USP46: variants seen among roughly 807,000 people sequenced by gnomAD.
The protein encoded by USP46 is ubiquitin specific peptidase 46, also known as ubiquitin carboxyl-terminal hydrolase 46.
USP46 carries 12 observed loss-of-function variants against 44.4 expected under a neutral mutation model. That is an observed-to-expected ratio of 0.27 (90% CI 0.17 to 0.44). The LOEUF is 0.44. USP46 is among the 20% of genes least tolerant of loss of function. USP46 has a pLI of 1.00. For synonymous variants in USP46, 155 were observed against 161.5 expected (o/e 0.96, Z 0.31); for missense variants, 248 against 444.8 (o/e 0.56, Z 3.98).
chr4:52,640,544 T>C (rs1228437172), intron 1 of USP46, among the ~76,000 whole-genome samples: 1 of 152,134 alleles, frequency 6.6e-6, no homozygotes, highest in Non-Finnish European at 1.5e-5. Context: ...CTTATGGCTG[T>C]AATCCTAGCA....
At chr4:52,630,911 G>A (rs1717799159) in intron 2 of USP46, among the ~76,000 whole-genome samples, 153 bp downstream of exon 2, 1 of 152,110 alleles carries the variant, frequency 6.6e-6, no homozygotes, top group Non-Finnish European at 1.5e-5. Context: ...TTCAAAAATA[G>A]GTTAAGTTGC....
At chr4:52,619,260 A>G (rs1030461771) in intron 4 of USP46, among the ~76,000 whole-genome samples, 1 of 152,046 alleles carries the variant, frequency 6.6e-6, no homozygotes, top group Non-Finnish European at 1.5e-5. Context: ...TGACATTTGC[A>G]CTGCAATCAT....
intron 1 of USP46, among the ~76,000 whole-genome samples, chr4:52,632,960 G>GA (rs1308982211): frequency 9.5e-5 from 7 of 73,722 alleles, no homozygotes; most frequent in African/African-American, 4.6e-4. Flanking sequence ...AAGAAAGAAA[G>GA]AAAGAAAGAA....
chr4:52,610,285 C>T (rs937805254), intron 5 of USP46, among the ~76,000 whole-genome samples: 4 of 152,128 alleles, frequency 2.6e-5, no homozygotes, highest in African/African-American at 9.7e-5. Context: ...TCACTTAACA[C>T]TTTACCTGGC....
intron 2 of USP46, among the ~76,000 whole-genome samples, chr4:52,630,716 G>T (rs369553532): frequency 9.0e-4 from 119 of 132,720 alleles, no homozygotes; most frequent in African/African-American, 3.2e-3. Flanking sequence ...CAACCTGAGC[G>T]ACAGAGCAAG....
Position 52,626,007 on chromosome 4 carries a change from C to T in USP46, c.561+11G>A. On this transcript the variant is annotated intron_variant, in intron 4 of 8. Transcript: ENST00000441222. ...ACATGCGAGCTACATAAGAGCTCCCCTAGTACTTACAGTTTCACAGTTCAA... is the reference window on the plus strand; with the variant it reads ...ACATGCGAGCTACATAAGAGCTCCCTTAGTACTTACAGTTTCACAGTTCAA... 1.9e-6 allele frequency: 3 copies of T among 1,612,172 alleles called. No individual in the cohort carries two copies. The highest frequency in any genetic ancestry group is 8.5e-7 in the Non-Finnish European group (1 of 1,178,982).
In USP46 at chr4:52,592,836, T is replaced by TAA. The variant is rs1188448959; in HGVS notation, c.*4802_*4803dup. 7.4e-5 allele frequency: 25 copies of TAA among 335,842 alleles called. No individual in the cohort carries two copies. Among genetic ancestry groups the TAA allele is most frequent in the Middle Eastern group, 7.7e-4 (1 of 1,292 alleles). 20.8% of individuals were successfully genotyped at this position (335,842 alleles called of 1,614,324 possible). ...CCTGGGTGACAGTGAGACTCCATCT[T>TAA]AAAAAAAAAAAAGGAAAGAAAAGTG... On this transcript the variant is annotated 3_prime_UTR_variant, in exon 9 of 9. Coordinates refer to ENST00000441222, the MANE Select transcript of USP46 (RefSeq NM_022832.4).
intron 1 of USP46, among the ~76,000 whole-genome samples, chr4:52,640,438 A>C (rs1291652328): frequency 6.6e-6 from 1 of 152,192 alleles, no homozygotes; most frequent in Non-Finnish European, 1.5e-5. Flanking sequence ...GCCTAGAAGA[A>C]GAGGAGGTCA....
At position 52,592,733 on chromosome 4, in the gene USP46, G is replaced by A. The variant is rs980027277; in HGVS notation, c.*4907C>T. The stretch of plus-strand genomic sequence containing the variant: ...ACATGCCTGTAGTCCCAGCTACTTG[G>A]GAGGCTGAGGCAGAAGAATCGCTTG... On this transcript the variant is annotated 3_prime_UTR_variant, in exon 9 of 9. Coordinates refer to ENST00000441222, the MANE Select transcript of USP46 (RefSeq NM_022832.4). 4 of 395,980 alleles carry A rather than the reference G, an allele frequency of 1.0e-5. No individual in the cohort carries two copies. Among genetic ancestry groups the A allele is most frequent in the Non-Finnish European group, 1.8e-5 (4 of 225,016 alleles). 24.5% of individuals were successfully genotyped at this position (395,980 alleles called of 1,614,324 possible). A position where few individuals can be genotyped will look rare whatever the true frequency, so the allele number is the denominator to read the frequency against.
intron 6 of USP46, 49 bp downstream of exon 6, chr4:52,604,452 G>A (rs1228093586): frequency 2.7e-6 from 4 of 1,508,704 alleles, no homozygotes; most frequent in African/African-American, 2.8e-5. Context: ...CCCACAGTCG[G>A]GATCCTTCTC....
rs1300585415 is a variant in USP46 at position 52,593,708 on chromosome 4, A to T, written c.*3932T>A. On this transcript the variant is annotated 3_prime_UTR_variant, in exon 9 of 9. Coordinates refer to ENST00000441222, the MANE Select transcript of USP46 (RefSeq NM_022832.4). ...CAGAAACAGGCCCAGAAGTCAGGGC[A>T]CCAGGGACCAATCACAGTCCTACTC... 1 of 152,388 alleles carries T rather than the reference A, an allele frequency of 6.6e-6. No homozygotes were observed. 9.4% of individuals were successfully genotyped at this position (152,388 alleles called of 1,614,324 possible).
chr4:52,620,775 A>G (rs796756601), intron 4 of USP46, among the ~76,000 whole-genome samples: 28 of 152,376 alleles, frequency 1.8e-4, no homozygotes, highest in African/African-American at 5.8e-4. Context: ...TGATGTGCAC[A>G]TCCTAGAGAA....
intron 7 of USP46, 121 bp downstream of exon 7, chr4:52,601,736 T>G: frequency 1.0e-6 from 1 of 998,888 alleles, no homozygotes; most frequent in Admixed American, 3.3e-5. Flanking sequence ...TCAGTAAGAG[T>G]TTGGCAGAGA....
At chr4:52,637,541 A>G (rs1029246709) in intron 1 of USP46, among the ~76,000 whole-genome samples, 1 of 152,164 alleles carries the variant, frequency 6.6e-6, no homozygotes, top group Non-Finnish European at 1.5e-5. Flanking sequence ...CCTATGGGTC[A>G]TGCCGACATC....
chr4:52,628,583 A>C (rs1283173619), intron 2 of USP46, among the ~76,000 whole-genome samples: 2 of 152,258 alleles, frequency 1.3e-5, no homozygotes, highest in East Asian at 3.8e-4. Flanking sequence ...GAAAATAAAA[A>C]TATGAATCAA....
At chr4:52,615,361 A>G (rs917374138) in intron 4 of USP46, among the ~76,000 whole-genome samples, 1 of 152,228 alleles carries the variant, frequency 6.6e-6, no homozygotes, top group East Asian at 1.9e-4. Context: ...GCGAAGAGTT[A>G]GCGTAAGTTT....
intron 1 of USP46, among the ~76,000 whole-genome samples, chr4:52,653,298 G>C (rs1718835616): frequency 6.6e-6 from 1 of 151,954 alleles, no homozygotes; most frequent in Non-Finnish European, 1.5e-5. Flanking sequence ...CTGAGGTCAG[G>C]AGTTTGAGAC....
intron 1 of USP46, among the ~76,000 whole-genome samples, chr4:52,645,360 G>C (rs1270735150): frequency 6.6e-6 from 1 of 152,102 alleles, no homozygotes; most frequent in Non-Finnish European, 1.5e-5. Context: ...TTCTAGCAAG[G>C]AGCATTAAAG....
chr4:52,625,445 C>T (rs1442596862), intron 4 of USP46, among the ~76,000 whole-genome samples: 8 of 152,114 alleles, frequency 5.3e-5, no homozygotes, highest in African/African-American at 1.9e-4. Context: ...AATATGACAT[C>T]CTGAATCATG....
Sources: gnomAD v4.1 joint callset for allele counts (sites outside exome capture counted in the v4.1 genomes callset) on GRCh38, gnomAD v4.1.1 for gene constraint, MANE v1.5 for transcripts, NCBI Gene and HGNC (gene_info 2026-07-23, HGNC 2026-07-21) for gene names.